L3MBTL4: variants seen among roughly 807,000 people sequenced by gnomAD.
The protein encoded by L3MBTL4 is L3MBTL histone methyl-lysine binding protein 4, also known as lethal(3)malignant brain tumor-like protein 4.
A neutral mutation model predicts 84.5 loss-of-function variants in L3MBTL4; 70 were observed. The observed-to-expected ratio is 0.83, with a 90% confidence interval of 0.68 to 1.01. The LOEUF is 1.01. L3MBTL4 is among the 50% of genes least tolerant of loss of function. The probability of loss-of-function intolerance (pLI) is 0.00; values close to 1 mark genes in which losing one functional copy is unlikely to be tolerated. For synonymous variants in L3MBTL4, 274 were observed against 259.8 expected (o/e 1.05, Z -0.52); for missense variants, 715 against 754.8 (o/e 0.95, Z 0.62).
chr18:6,073,988 T>C (rs1439021736), intron 16 of L3MBTL4, among the ~76,000 whole-genome samples: 1 of 152,224 alleles, frequency 6.6e-6, no homozygotes, highest in Non-Finnish European at 1.5e-5. Context: ...TAGATTCACT[T>C]CTAACATTTT....
At chr18:6,169,854 T>A (rs2043878877) in intron 13 of L3MBTL4, among the ~76,000 whole-genome samples, 6 of 151,560 alleles carry the variant, frequency 4.0e-5, no homozygotes. Flanking sequence ...AAAAGAAAAA[T>A]TTAATTAAAG....
chr18:6,040,696 C>G (rs2056362449), intron 16 of L3MBTL4, among the ~76,000 whole-genome samples: 1 of 152,042 alleles, frequency 6.6e-6, no homozygotes, highest in South Asian at 2.1e-4. Context: ...TGCTTGAAAC[C>G]TTCATTTCAA....
chr18:6,360,468 T>C (rs2053637202), intron 1 of L3MBTL4, among the ~76,000 whole-genome samples: 1 of 152,232 alleles, frequency 6.6e-6, no homozygotes, highest in Non-Finnish European at 1.5e-5. Flanking sequence ...TAGGATCTTA[T>C]ATATCAAACA....
chr18:6,027,205 G>A (rs535147598), intron 16 of L3MBTL4, among the ~76,000 whole-genome samples: 27 of 152,164 alleles, frequency 1.8e-4, no homozygotes, highest in African/African-American at 6.0e-4. Flanking sequence ...CCCGCAACAG[G>A]TGCTACTGTA....
At chr18:6,083,977 C>T (rs1388679441) in intron 15 of L3MBTL4, among the ~76,000 whole-genome samples, 1 of 152,142 alleles carries the variant, frequency 6.6e-6, no homozygotes, top group Non-Finnish European at 1.5e-5. Flanking sequence ...TTCCCCTTCA[C>T]AAGACAATAC....
chr18:6,122,366 C>G (rs1289416473), intron 14 of L3MBTL4, among the ~76,000 whole-genome samples: 1 of 152,182 alleles, frequency 6.6e-6, no homozygotes, highest in African/African-American at 2.4e-5. Context: ...TGTGTCCCCA[C>G]CCAAATCTCA....
intron 16 of L3MBTL4, among the ~76,000 whole-genome samples, chr18:6,041,225 C>T (rs1447693493): frequency 6.6e-6 from 1 of 152,214 alleles, no homozygotes; most frequent in African/African-American, 2.4e-5. Context: ...GAGATCCCTG[C>T]CATTGGGCCT....
intron 1 of L3MBTL4, among the ~76,000 whole-genome samples, chr18:6,381,915 C>A (rs969143307): frequency 6.6e-6 from 1 of 152,150 alleles, no homozygotes; most frequent in African/African-American, 2.4e-5. Flanking sequence ...TGGATAATAT[C>A]CTGAGAGTGT....
Position 5,995,605 on chromosome 18 carries a change from C to T in L3MBTL4, c.1445-26043G>A, listed in dbSNP as rs569807787. 1.2e-4 allele frequency among the ~76,000 whole-genome samples: 19 copies of T among 152,274 alleles called. No individual in the cohort carries two copies. The East Asian group carries it at 2.1e-3, about 17-fold the overall frequency. On this transcript the variant is annotated intron_variant, in intron 16 of 18. Coordinates refer to ENST00000317931, the MANE Select transcript of L3MBTL4 (RefSeq NM_001330559.2). Reference sequence around the variant, plus strand: ...AGTTTGGATGATTATTTCACCCATGCGACCAAGAATGAGCCTTCGCACTTC... The same window carrying T: ...AGTTTGGATGATTATTTCACCCATGTGACCAAGAATGAGCCTTCGCACTTC...
chr18:6,159,594 T>A (rs1417295284), intron 13 of L3MBTL4, among the ~76,000 whole-genome samples: 1 of 152,136 alleles, frequency 6.6e-6, no homozygotes, highest in African/African-American at 2.4e-5. Flanking sequence ...AGTGTTCCCA[T>A]CATAAACAAG....
intron 10 of L3MBTL4, among the ~76,000 whole-genome samples, chr18:6,219,806 C>A (rs77726865): frequency 0.035 from 5,385 of 152,016 alleles, 326 homozygotes; most frequent in African/African-American, 0.12. Flanking sequence ...TTTTAGAAGA[C>A]GAGGAGAACT....
Position 6,128,165 on chromosome 18 carries a change from T to G in L3MBTL4, c.1199+10029A>C, listed in dbSNP as rs144233591. On this transcript the variant is annotated intron_variant, in intron 14 of 18. Transcript: ENST00000317931. Reference sequence around the variant, plus strand: ...AAACAAATCAGAGAATAAGAATGTGTTCTCAGAAACTGAAAAAAAAAAACA... The same window carrying G: ...AAACAAATCAGAGAATAAGAATGTGGTCTCAGAAACTGAAAAAAAAAAACA... Among the ~76,000 whole-genome samples the G allele has an allele frequency of 4.0e-4, 60 of 151,566 alleles. No individual in the cohort carries two copies. The South Asian group carries it at 0.012, about 30-fold the overall frequency.
At chr18:5,956,728 C>A (rs1314796383) in intron 18 of L3MBTL4, among the ~76,000 whole-genome samples, 2 of 152,136 alleles carry the variant, frequency 1.3e-5, no homozygotes, top group Non-Finnish European at 2.9e-5. Flanking sequence ...AAGTAAATCT[C>A]CAGGAATTTT....
chr18:6,021,247 G>C (rs1204972637), intron 16 of L3MBTL4, among the ~76,000 whole-genome samples: 1 of 152,218 alleles, frequency 6.6e-6, no homozygotes. Flanking sequence ...TAGGCTGAGG[G>C]CGGGGAGGAG....
chr18:6,357,554 C>T (rs77215668), intron 1 of L3MBTL4, among the ~76,000 whole-genome samples: 1,537 of 152,192 alleles, frequency 0.01, 21 homozygotes, highest in African/African-American at 0.035. Context: ...AACAGGAATG[C>T]ACAAGTCCTC....
intron 16 of L3MBTL4, among the ~76,000 whole-genome samples, chr18:6,000,302 G>A (rs761783920): frequency 6.6e-6 from 1 of 152,064 alleles, no homozygotes; most frequent in Non-Finnish European, 1.5e-5. Flanking sequence ...TCTCTAGGAA[G>A]GAAGAAAATA....
intron 10 of L3MBTL4, among the ~76,000 whole-genome samples, chr18:6,230,210 G>T (rs2046938647): frequency 6.6e-6 from 1 of 151,914 alleles, no homozygotes; most frequent in African/African-American, 2.4e-5. Flanking sequence ...ATCCCAGGTA[G>T]ATTTTCGATC....
chr18:6,371,253 CT>C (rs993347496), intron 1 of L3MBTL4, among the ~76,000 whole-genome samples: 28 of 152,354 alleles, frequency 1.8e-4, no homozygotes, highest in Non-Finnish European at 3.8e-4. Context: ...TTGCCACCCC[CT>C]GGCTTACACC....
rs535439736 is a variant in L3MBTL4, at chr18:6,298,380, T to C, written c.127+3523A>G. Among the ~76,000 whole-genome samples, 20 of 152,326 alleles carry C rather than the reference T, an allele frequency of 1.3e-4. No homozygotes were observed. In the South Asian group the frequency reaches 4.1e-3, roughly 32 times the overall value. Reference sequence around the variant, plus strand: ...CCTGTTTTTGGACTGAGATCTTGTGTATCTCATTATTTTTTTCTAATTCCT... The same window carrying C: ...CCTGTTTTTGGACTGAGATCTTGTGCATCTCATTATTTTTTTCTAATTCCT... On this transcript the variant is annotated intron_variant, in intron 4 of 18. Coordinates refer to ENST00000317931, the MANE Select transcript of L3MBTL4 (RefSeq NM_001330559.2).
Sources: gnomAD v4.1 joint callset for allele counts (sites outside exome capture counted in the v4.1 genomes callset) on GRCh38, gnomAD v4.1.1 for gene constraint, MANE v1.5 for transcripts, NCBI Gene and HGNC (gene_info 2026-07-23, HGNC 2026-07-21) for gene names.